FAM193B: variants seen among roughly 807,000 people sequenced by gnomAD.
FAM193B encodes protein FAM193B.
FAM193B carries 27 observed loss-of-function variants against 70.7 expected under a neutral mutation model. That is an observed-to-expected ratio of 0.38 (90% CI 0.28 to 0.53). FAM193B has a LOEUF of 0.53. Among genes scored for constraint, FAM193B ranks in the 20% least tolerant of loss-of-function variants. The pLI is 0.81. For missense variants in FAM193B, 1,022 were observed against 1,072.5 expected (o/e 0.95, Z 0.66); for synonymous variants, 448 against 436.0 (o/e 1.03, Z -0.34).
intron 3 of FAM193B, 57 bp from the exon 4 acceptor site, chr5:177,536,802 A>G: frequency 6.5e-7 from 1 of 1,530,218 alleles, no homozygotes; most frequent in Non-Finnish European, 8.8e-7. Context: ...TGGGAAGGAA[A>G]GCCCACAGGC....
intron 5 of FAM193B, among the ~76,000 whole-genome samples, chr5:177,526,085 C>G (rs1166180717): frequency 6.6e-6 from 1 of 152,182 alleles, no homozygotes; most frequent in East Asian, 1.9e-4. Flanking sequence ...GGAAGAGAAA[C>G]ATGAAAGGGC....
intron 5 of FAM193B, chr5:177,531,623 G>A: frequency 9.8e-7 from 1 of 1,021,746 alleles, no homozygotes. Context: ...CAAGACAACT[G>A]TTCTCTCTAC....
intron 5 of FAM193B, among the ~76,000 whole-genome samples, chr5:177,527,834 G>A (rs919686358): frequency 6.6e-6 from 1 of 152,168 alleles, no homozygotes; most frequent in African/African-American, 2.4e-5. Context: ...CCATTGACTA[G>A]ACAGACAACA....
In FAM193B at chr5:177,536,424, C is replaced by G. The variant is rs763329129; in HGVS notation, c.1010G>C (p.Cys337Ser). The stretch of plus-strand genomic sequence containing the variant: ...GAGAGGCCCACTGCAGTGCCCACCA[C>G]AGTGCCCGCTGCAGGGGTGGCTGCA... ...SGCSHPCSGH[C>S]GGHCSGPLLP... is the part of the protein sequence containing the mutation. The change falls in exon 4 of 9, where the codon TGT (cysteine) becomes TCT (serine). Residue 337 changes from cysteine (C) to serine (S), a missense_variant. Coordinates refer to ENST00000514747, the MANE Select transcript of FAM193B (RefSeq NM_001190946.3). The G allele has an allele frequency of 1.9e-5, 31 of 1,604,214 alleles. No homozygotes were observed. The highest frequency in any genetic ancestry group is 2.5e-5 in the Non-Finnish European group (30 of 1,177,104).
intron 1 of FAM193B, chr5:177,551,952 G>A (rs1054305006): frequency 2.3e-6 from 2 of 864,150 alleles, no homozygotes; most frequent in Non-Finnish European, 2.8e-6. Flanking sequence ...TCAAAGTGGG[G>A]CATAACTAGA....
chr5:177,528,751 G>A lies in FAM193B; in HGVS notation c.1276-3546C>T, dbSNP rs1005586200. ...AGACTGGAGGCCTGACAGAAGGACTGTGGGGAATGGACGTGCTAAGGTACA... is the reference window on the plus strand; with the variant it reads ...AGACTGGAGGCCTGACAGAAGGACTATGGGGAATGGACGTGCTAAGGTACA... On this transcript the variant is annotated intron_variant, in intron 5 of 8. Transcript: ENST00000514747. 4.6e-5 allele frequency among the ~76,000 whole-genome samples: 7 copies of A among 152,236 alleles called. 1 individual carries two copies. Among genetic ancestry groups the A allele is most frequent in the Admixed American group, 2.6e-4 (4 of 15,282 alleles).
chr5:177,539,664 C>T (rs971667315), intron 1 of FAM193B, among the ~76,000 whole-genome samples: 1 of 152,106 alleles, frequency 6.6e-6, no homozygotes, highest in Non-Finnish European at 1.5e-5. Context: ...TTGGAGGAGG[C>T]GTTTGTACAG....
chr5:177,530,457 G>A (rs1763281526), intron 5 of FAM193B, among the ~76,000 whole-genome samples: 2 of 152,114 alleles, frequency 1.3e-5, no homozygotes, highest in African/African-American at 2.4e-5. Context: ...CAGATCAAAG[G>A]CCCATCACTT....
intron 4 of FAM193B, among the ~76,000 whole-genome samples, chr5:177,535,148 A>G (rs1266736180): frequency 1.3e-5 from 2 of 152,256 alleles, no homozygotes; most frequent in Non-Finnish European, 2.9e-5. Flanking sequence ...GGCTTTAAGA[A>G]AAGACATCTT....
chr5:177,525,283 G>A, intron 5 of FAM193B, 78 bp from the exon 6 acceptor site: 1 of 1,315,786 alleles, frequency 7.6e-7, no homozygotes, highest in Non-Finnish European at 9.9e-7. Flanking sequence ...ATCAGCCTGG[G>A]GCCCAGCTTT....
chr5:177,534,565 G>A (rs1157486750), intron 4 of FAM193B, among the ~76,000 whole-genome samples: 2 of 151,918 alleles, frequency 1.3e-5, no homozygotes, highest in Non-Finnish European at 2.9e-5. Flanking sequence ...GCCTCCCAAA[G>A]TGCTGGGATT....
chr5:177,541,539 C>T (rs2112472), intron 1 of FAM193B, among the ~76,000 whole-genome samples: 14,737 of 152,210 alleles, frequency 0.097, 966 homozygotes, highest in East Asian at 0.18. Context: ...CTGCCTCAGC[C>T]TCCCGAGTAG....
chr5:177,548,888 C>T (rs1022215000), intron 1 of FAM193B, among the ~76,000 whole-genome samples: 2 of 152,190 alleles, frequency 1.3e-5, no homozygotes, highest in Admixed American at 6.5e-5. Flanking sequence ...TTTCAAGAAC[C>T]CTGCTAGCCC....
chr5:177,544,554 T>C (rs1282526455), intron 1 of FAM193B, among the ~76,000 whole-genome samples: 1 of 152,238 alleles, frequency 6.6e-6, no homozygotes, highest in Non-Finnish European at 1.5e-5. Flanking sequence ...GGCAATGATA[T>C]AAAATGCAAG....
intron 5 of FAM193B, among the ~76,000 whole-genome samples, chr5:177,527,933 G>A (rs1396046457): frequency 6.6e-6 from 1 of 152,240 alleles, no homozygotes; most frequent in South Asian, 2.1e-4. Context: ...CGTCCACAAG[G>A]AGGTGTCCAG....
At chr5:177,549,191 T>C (rs1009412250) in intron 1 of FAM193B, among the ~76,000 whole-genome samples, 3 of 140,192 alleles carry the variant, frequency 2.1e-5, no homozygotes, top group East Asian at 2.0e-4. Flanking sequence ...TCTTTTCTTT[T>C]TTTTTTTTTT....
intron 7 of FAM193B, among the ~76,000 whole-genome samples, chr5:177,523,699 G>A (rs1762120068): frequency 1.3e-5 from 2 of 152,244 alleles, no homozygotes; most frequent in South Asian, 4.1e-4. Flanking sequence ...AATAAAGCTG[G>A]AAAAAGCCCT....
intron 4 of FAM193B, 156 bp downstream of exon 4, chr5:177,536,202 T>C (rs1451029504): frequency 7.1e-6 from 6 of 840,328 alleles, no homozygotes; most frequent in Non-Finnish European, 1.1e-5. Context: ...TGTGAGCCAC[T>C]GTGCCAGGCC....
intron 8 of FAM193B, among the ~76,000 whole-genome samples, chr5:177,520,757 G>C (rs1761603283): frequency 6.6e-6 from 1 of 152,228 alleles, no homozygotes; most frequent in Admixed American, 6.5e-5. Flanking sequence ...TTCCCATGGA[G>C]GTGGAGAAGA....
Sources: gnomAD v4.1 joint callset for allele counts (sites outside exome capture counted in the v4.1 genomes callset) on GRCh38, gnomAD v4.1.1 for gene constraint, MANE v1.5 for transcripts, NCBI Gene and HGNC (gene_info 2026-07-23, HGNC 2026-07-21) for gene names.